SSBP3: variants seen among roughly 807,000 people sequenced by gnomAD.
SSBP3 encodes single stranded DNA binding protein 3, also known as single-stranded DNA-binding protein 3.
Under a neutral mutation model 69.6 loss-of-function variants are expected in SSBP3, and 5 were observed. The observed-to-expected ratio is 0.07, with a 90% CI of 0.04 to 0.15. The LOEUF is 0.15. Ranked by LOEUF, SSBP3 falls within the 10% of genes least tolerant of loss-of-function variation. SSBP3 has a pLI of 1.00. For missense variants in SSBP3, 312 were observed against 534.0 expected (o/e 0.58, Z 4.10); for synonymous variants, 196 against 193.4 (o/e 1.01, Z -0.11).
At chr1:54,351,202 A>C (rs1646776187) in intron 4 of SSBP3, among the ~76,000 whole-genome samples, 1 of 152,160 alleles carries the variant, frequency 6.6e-6, no homozygotes, top group African/African-American at 2.4e-5. Context: ...AAAAGTAGGA[A>C]AACAGCCTGA....
At chr1:54,287,825 TG>T (rs1645519614) in intron 4 of SSBP3, among the ~76,000 whole-genome samples, 1 of 152,224 alleles carries the variant, frequency 6.6e-6, no homozygotes, top group African/African-American at 2.4e-5. Context: ...TGGTTTCATA[TG>T]CAGACCACAG....
At chr1:54,346,007 A>G (rs533128252) in intron 4 of SSBP3, among the ~76,000 whole-genome samples, 32 of 151,934 alleles carry the variant, frequency 2.1e-4, no homozygotes, top group Non-Finnish European at 4.0e-4. Flanking sequence ...AAACAAAACA[A>G]AAACAATTAG....
At position 54,301,552 on chromosome 1, in the gene SSBP3, C is replaced by A. The variant is rs112229708; in HGVS notation, c.277-20025G>T. ...TCTTGTTTGGATAATGGCCACTTCA[C>A]AACTCTCCCTCCCACGCGGGGACCC... is the stretch of plus-strand genomic sequence containing the variant. On this transcript the variant is annotated intron_variant, in intron 4 of 17. Transcript: ENST00000610401. 5.9e-3 allele frequency among the ~76,000 whole-genome samples: 900 copies of A among 152,338 alleles called. 10 individuals are homozygous for A. Among genetic ancestry groups the A allele is most frequent in the African/African-American group, 0.021 (858 of 41,578 alleles).
intron 4 of SSBP3, among the ~76,000 whole-genome samples, chr1:54,364,694 T>C (rs1647002338): frequency 6.6e-6 from 1 of 152,186 alleles, no homozygotes; most frequent in Non-Finnish European, 1.5e-5. Context: ...TCTTCAGCCC[T>C]TTCTAAATAC....
intron 4 of SSBP3, among the ~76,000 whole-genome samples, chr1:54,327,271 A>AGGAAGGAAGGAAGGAAGG (rs1553139345): frequency 2.0e-5 from 3 of 151,192 alleles, no homozygotes; most frequent in African/African-American, 4.9e-5. Context: ...GAAGGAAGGA[A>AGGAAGGAAGGAAGGAAGG]AACAACAACA....
intron 9 of SSBP3, among the ~76,000 whole-genome samples, chr1:54,245,573 T>C (rs1376826975): frequency 6.6e-6 from 1 of 152,072 alleles, no homozygotes; most frequent in Non-Finnish European, 1.5e-5. Flanking sequence ...ACAGAGAGGC[T>C]TGGAGTCTGG....
chr1:54,271,905 G>A (rs1645201115), intron 5 of SSBP3, among the ~76,000 whole-genome samples: 1 of 152,188 alleles, frequency 6.6e-6, no homozygotes, highest in Non-Finnish European at 1.5e-5. Flanking sequence ...GAATAGATGG[G>A]ATTCCAGTCG....
At chr1:54,387,124 G>A (rs560545780) in intron 4 of SSBP3, among the ~76,000 whole-genome samples, 2 of 152,252 alleles carry the variant, frequency 1.3e-5, no homozygotes, top group African/African-American at 4.8e-5. Flanking sequence ...TACAACACTG[G>A]GTATGATTAC....
At chr1:54,235,914 T>C (rs892110211) in intron 14 of SSBP3, among the ~76,000 whole-genome samples, 8 of 152,336 alleles carry the variant, frequency 5.3e-5, no homozygotes, top group African/African-American at 1.7e-4. Context: ...CCTGTTTAAC[T>C]TGACTGCCTT....
At chr1:54,401,358 T>C (rs955521971) in intron 4 of SSBP3, among the ~76,000 whole-genome samples, 1 of 151,480 alleles carries the variant, frequency 6.6e-6, no homozygotes, top group Non-Finnish European at 1.5e-5. Flanking sequence ...GCAGATACAG[T>C]ATGAGCCCAC....
intron 5 of SSBP3, among the ~76,000 whole-genome samples, chr1:54,263,140 C>T (rs2100776356): frequency 6.6e-6 from 1 of 152,300 alleles, no homozygotes; most frequent in South Asian, 2.1e-4. Flanking sequence ...CACGAAAACT[C>T]CGAAGTGTGG....
rs1384131324 is a variant in SSBP3, at chr1:54,308,586, G to C, written c.277-27059C>G. On this transcript the variant is annotated intron_variant, in intron 4 of 17. Transcript: ENST00000610401. ...ACTGCACTCCAGCCTGGCCGACAGA[G>C]CGAGACTCCATCTCAAAAAAAAAAA... is the stretch of plus-strand genomic sequence containing the variant. Among the ~76,000 whole-genome samples the C allele has an allele frequency of 4.8e-5, 7 of 147,188 alleles. No individual in the cohort carries two copies. In the East Asian group the frequency reaches 1.2e-3, roughly 25 times the overall value.
At chr1:54,331,791 G>A (rs984002811) in intron 4 of SSBP3, among the ~76,000 whole-genome samples, 2 of 152,186 alleles carry the variant, frequency 1.3e-5, no homozygotes, top group African/African-American at 4.8e-5. Flanking sequence ...AAGGAGGGTG[G>A]TGCCTTGCCC....
intron 9 of SSBP3, among the ~76,000 whole-genome samples, chr1:54,249,108 G>A (rs1196125916): frequency 1.3e-5 from 2 of 152,002 alleles, no homozygotes; most frequent in Admixed American, 6.5e-5. Context: ...TGGACTACGG[G>A]TCAGGGGCAG....
At chr1:54,297,621 A>C (rs1645725185) in intron 4 of SSBP3, among the ~76,000 whole-genome samples, 1 of 152,166 alleles carries the variant, frequency 6.6e-6, no homozygotes, top group Non-Finnish European at 1.5e-5. Flanking sequence ...ACAGAGTGAG[A>C]CTTTGTCTCA....
Position 54,380,935 on chromosome 1 carries a change from A to C in SSBP3, c.276+20926T>G, listed in dbSNP as rs538226986. Among the ~76,000 whole-genome samples, 4 of 151,992 alleles carry C rather than the reference A, an allele frequency of 2.6e-5. No homozygotes were observed. The South Asian group carries it at 8.3e-4, about 32-fold the overall frequency. Reference sequence around the variant, plus strand: ...CGGAAGTTTGAGACCAGCCGGGAAAAACACAGCAAGACCCCCTCTACAAAA... The same window carrying C: ...CGGAAGTTTGAGACCAGCCGGGAAACACACAGCAAGACCCCCTCTACAAAA... On this transcript the variant is annotated intron_variant, in intron 4 of 17. Coordinates refer to ENST00000610401, the Ensembl canonical transcript of SSBP3.
intron 1 of SSBP3, among the ~76,000 whole-genome samples, chr1:54,411,499 A>G (rs1649989066): frequency 6.6e-6 from 1 of 151,808 alleles, no homozygotes; most frequent in African/African-American, 2.4e-5. Context: ...AAAGAATTTA[A>G]GTACTCTGAC....
intron 4 of SSBP3, among the ~76,000 whole-genome samples, chr1:54,297,495 G>A (rs944895167): frequency 3.3e-5 from 5 of 152,306 alleles, no homozygotes; most frequent in African/African-American, 1.2e-4. Context: ...GCCGGGCGTG[G>A]TGGTGCCTGC....
At chr1:54,312,081 G>A (rs1045309616) in intron 4 of SSBP3, among the ~76,000 whole-genome samples, 1 of 152,232 alleles carries the variant, frequency 6.6e-6, no homozygotes, top group African/African-American at 2.4e-5. Flanking sequence ...CTGGGGGCAA[G>A]TGGCCAAAGA....
Sources: gnomAD v4.1 joint callset for allele counts (sites outside exome capture counted in the v4.1 genomes callset) on GRCh38, gnomAD v4.1.1 for gene constraint, MANE v1.5 for transcripts, NCBI Gene and HGNC (gene_info 2026-07-23, HGNC 2026-07-21) for gene names.